The following INTS10 variants were observed in gnomAD, a reference collection of about 807,000 sequenced individuals.
The protein encoded by INTS10 is chromosome 8 open reading frame 35.
Under a neutral mutation model 94.4 loss-of-function variants are expected in INTS10, and 44 were observed. The ratio of observed to expected loss-of-function variants is 0.47; its 90% confidence interval spans 0.37 to 0.60. The LOEUF (loss-of-function observed/expected upper bound fraction) is 0.60. INTS10 is among the 20% of genes least tolerant of loss of function. The probability of loss-of-function intolerance (pLI) is 0.00; values close to 1 mark genes in which losing one functional copy is unlikely to be tolerated. For missense variants in INTS10, 797 were observed against 868.7 expected, an observed-to-expected ratio of 0.92 and a Z score of 1.04; for synonymous variants, 341 against 320.7, an observed-to-expected ratio of 1.06 and a Z score of -0.68.
intron 12 of INTS10, among the ~76,000 whole-genome samples, chr8:19,835,562 A>C (rs1180398594): frequency 6.6e-6 from 1 of 152,214 alleles, no homozygotes; most frequent in Non-Finnish European, 1.5e-5. Context: ...GGAAAGATTG[A>C]TAGAAAAGAT....
At chr8:19,841,525 G>A (rs968849327) in intron 13 of INTS10, among the ~76,000 whole-genome samples, 5 of 152,168 alleles carry the variant, frequency 3.3e-5, no homozygotes, top group African/African-American at 7.2e-5. Flanking sequence ...CAGATTCACA[G>A]GAGCAGAAAT....
Position 19,819,642 on chromosome 8 carries a change from C to A in INTS10, c.267C>A (p.Asn89Lys). The change falls in exon 3 of 17, where the codon AAC becomes AAA. Residue 89 changes from asparagine to lysine, a missense_variant. Asn to Lys is a moderately conservative substitution (Grantham distance 94). This residue lies in a region of INTS10 where 734 missense variants were observed against 787.8 expected (regional missense o/e 0.93). Transcript: ENST00000397977. ...EISIITSALR[N>K]DSQDKQTQFL... is the part of the protein sequence containing the mutation. ...GCATTATTACATCAGCATTAAGGAA[C>A]GATTCACAGGACAAACAAACCCAAT... is the stretch of plus-strand genomic sequence containing the variant. 6.2e-7 allele frequency: 1 copy of A among 1,613,242 alleles called. No individual in the cohort carries two copies. Among genetic ancestry groups the A allele is most frequent in the Non-Finnish European group, 8.5e-7 (1 of 1,179,516 alleles).
At chr8:19,824,724 A>G in intron 7 of INTS10, 79 bp from the exon 8 acceptor site, 1 of 925,872 alleles carries the variant, frequency 1.1e-6, no homozygotes, top group Non-Finnish European at 1.6e-6. Context: ...ATGTAATGGT[A>G]CCACCAGAGC....
intron 16 of INTS10, chr8:19,848,822 C>T (rs1365038206): frequency 6.2e-6 from 1 of 161,534 alleles, no homozygotes; most frequent in Non-Finnish European, 1.4e-5. Context: ...GAAAATGTGT[C>T]TTCTCAAAGG....
chr8:19,819,436 T>G, intron 2 of INTS10, 137 bp from the exon 3 acceptor site: 1 of 542,614 alleles, frequency 1.8e-6, no homozygotes, highest in South Asian at 3.6e-5. Flanking sequence ...TTTTTACATT[T>G]TTATTTTGGT....
chr8:19,844,139 C>G lies in INTS10; in HGVS notation c.1783C>G (p.Gln595Glu), dbSNP rs775376308. Residue 595 changes from glutamine to glutamate, a missense_variant, in exon 15 of 17, where the codon CAA becomes GAA. Physicochemically the swap from Gln to Glu is conservative, Grantham distance 29. Around this residue, in one of 3 missense-constraint regions of INTS10, gnomAD observed 734 missense variants for 787.8 expected, o/e 0.93. Coordinates refer to ENST00000397977, the MANE Select transcript of INTS10 (RefSeq NM_018142.4). ...ALGHVIVLLQQEWPRGENLFL... is the reference protein window; with the variant it reads ...ALGHVIVLLQEEWPRGENLFL... The stretch of plus-strand genomic sequence containing the variant: ...GGGGCATGTGATTGTGTTGCTTCAG[C>G]AAGAGTGGCCACGGGGCGAGAATCT... 10 of 1,613,808 alleles carry G rather than the reference C, an allele frequency of 6.2e-6. No homozygotes were observed. The highest frequency in any genetic ancestry group is 1.3e-5 in the African/African-American group (1 of 74,924).
chr8:19,823,291 C>T lies in INTS10; in HGVS notation c.524-10C>T, dbSNP rs752361766. ...TAATTAATTTATTTCTTCTTTTTCTCCTCCAACAGTTTGTGATGTCCTTCC... is the reference window on the plus strand; with the variant it reads ...TAATTAATTTATTTCTTCTTTTTCTTCTCCAACAGTTTGTGATGTCCTTCC... On this transcript the variant is annotated splice_polypyrimidine_tract_variant and intron_variant, in intron 5 of 16. Coordinates refer to ENST00000397977, the MANE Select transcript of INTS10 (RefSeq NM_018142.4). 2 of 1,600,226 alleles carry T rather than the reference C, an allele frequency of 1.2e-6. No individual in the cohort carries two copies. Among genetic ancestry groups the T allele is most frequent in the Non-Finnish European group, 1.7e-6 (2 of 1,169,190 alleles).
chr8:19,823,993 T>C lies in INTS10; in HGVS notation c.785T>C (p.Ile262Thr). The stretch of plus-strand genomic sequence containing the variant: ...GACCCTTGGGAGAGGTTGTTTAAGA[T>C]TTTGAATGTTGTTGGAATGAGATGT... ...IVDPWERLFK[I>T]LNVVGMRCEW... Residue 262 changes from isoleucine (I) to threonine (T), a missense_variant, in exon 7 of 17, where the codon ATT becomes ACT. By Grantham distance (89) the Ile-to-Thr change is moderately conservative. This residue lies in a region of INTS10 where 734 missense variants were observed against 787.8 expected (regional missense o/e 0.93). Coordinates refer to ENST00000397977, the MANE Select transcript of INTS10 (RefSeq NM_018142.4). 6.2e-7 allele frequency: 1 copy of C among 1,613,370 alleles called. No individual in the cohort carries two copies. The highest frequency in any genetic ancestry group is 8.5e-7 in the Non-Finnish European group (1 of 1,179,722).
At position 19,823,288 on chromosome 8, in the gene INTS10, TCTC is replaced by T; in HGVS notation, c.524-8_524-6del. The stretch of plus-strand genomic sequence containing the variant: ...ACCTAATTAATTTATTTCTTCTTTT[TCTC>T]CTCCAACAGTTTGTGATGTCCTTCC... On this transcript the variant is annotated splice_polypyrimidine_tract_variant and intron_variant, in intron 5 of 16. Transcript: ENST00000397977. 6.3e-7 allele frequency: 1 copy of T among 1,597,158 alleles called. No homozygotes were observed. The highest frequency in any genetic ancestry group is 1.3e-5 in the African/African-American group (1 of 74,318).
At chr8:19,840,185 G>A (rs992441325) in intron 13 of INTS10, among the ~76,000 whole-genome samples, 4 of 149,512 alleles carry the variant, frequency 2.7e-5, no homozygotes, top group African/African-American at 7.4e-5. Context: ...ATTTCTAATA[G>A]CATCAAAAAA....
intron 9 of INTS10, 61 bp from the exon 10 acceptor site, chr8:19,830,345 G>T: frequency 7.0e-7 from 1 of 1,431,486 alleles, no homozygotes; most frequent in Non-Finnish European, 9.4e-7. Flanking sequence ...GCAATAATAT[G>T]TTTCCATATA....
At chr8:19,847,547 A>G (rs1173216241) in intron 16 of INTS10, among the ~76,000 whole-genome samples, 1 of 152,206 alleles carries the variant, frequency 6.6e-6, no homozygotes, top group Non-Finnish European at 1.5e-5. Context: ...ACGAGTTAAT[A>G]TAGAGACAGC....
At position 19,819,556 on chromosome 8, in the gene INTS10, A is replaced by G; in HGVS notation, c.198-17A>G. The G allele has an allele frequency of 6.4e-7, 1 of 1,571,716 alleles. No individual in the cohort carries two copies. Among genetic ancestry groups the G allele is most frequent in the Non-Finnish European group, 8.7e-7 (1 of 1,148,658 alleles). On this transcript the variant is annotated splice_polypyrimidine_tract_variant and intron_variant, in intron 2 of 16. Transcript: ENST00000397977. Reference sequence around the variant, plus strand: ...AGACTTTGACATTTTAATTTAATGTATTTATTTTAAAAATAGGTTTGTGAA... The same window carrying G: ...AGACTTTGACATTTTAATTTAATGTGTTTATTTTAAAAATAGGTTTGTGAA...
rs115698733 is a variant in INTS10, at chr8:19,848,313, A to G, written c.1976+2516A>G. Among the ~76,000 whole-genome samples, 363 of 152,254 alleles carry G rather than the reference A, an allele frequency of 2.4e-3. 5 individuals are homozygous for G. The highest frequency in any genetic ancestry group is 8.4e-3 in the African/African-American group (347 of 41,536). ...GTCTGCCCTAGCTGTGGCATCTGGG[A>G]TGCAAGCAGGTACAGTACCAACACT... On this transcript the variant is annotated intron_variant, in intron 16 of 16. Transcript: ENST00000397977.
intron 5 of INTS10, 83 bp downstream of exon 5, chr8:19,822,603 T>C: frequency 1.2e-6 from 1 of 835,908 alleles, no homozygotes; most frequent in Non-Finnish European, 1.9e-6. Flanking sequence ...AGCTCATATA[T>C]GAAAGGCAAA....
At position 19,833,316 on chromosome 8, in the gene INTS10, T is replaced by C; in HGVS notation, c.1525T>C (p.Tyr509His). Residue 509 changes from tyrosine to histidine, a missense_variant, in exon 12 of 17, where the codon TAC becomes CAC. Tyr to His is a moderately conservative substitution (Grantham distance 83, BLOSUM62 2). Around this residue, in one of 3 missense-constraint regions of INTS10, gnomAD observed 734 missense variants for 787.8 expected, o/e 0.93. Coordinates refer to ENST00000397977, the MANE Select transcript of INTS10 (RefSeq NM_018142.4). ...GACGTGCCACTTTGCGCTAGGGGAG[T>C]ACAGAGTGAGTACTGCACACATACA... is the stretch of plus-strand genomic sequence containing the variant. ...LATCHFALGE[Y>H]RMTCEKVLDL... 6.2e-7 allele frequency: 1 copy of C among 1,607,356 alleles called. No individual in the cohort carries two copies. The highest frequency in any genetic ancestry group is 8.5e-7 in the Non-Finnish European group (1 of 1,176,958).
At chr8:19,845,828 T>C in intron 16 of INTS10, 31 bp downstream of exon 16, 1 of 1,443,124 alleles carries the variant, frequency 6.9e-7, no homozygotes, top group Non-Finnish European at 9.8e-7. Context: ...TCTTCCATGC[T>C]GAGTGCTCAC....
At chr8:19,830,137 G>A (rs2067117578) in intron 9 of INTS10, among the ~76,000 whole-genome samples, 1 of 151,954 alleles carries the variant, frequency 6.6e-6, no homozygotes, top group South Asian at 2.1e-4. Context: ...TTTAAACTTT[G>A]CTCTAAAACC....
Position 19,848,159 on chromosome 8 carries a change from G to A in INTS10, c.1976+2362G>A, listed in dbSNP as rs116373836. ...GGTTGGAATCTTTATTAAACAATCTGAATTCCTTTTCCCTTTGGGTTCCAA... is the reference window on the plus strand; with the variant it reads ...GGTTGGAATCTTTATTAAACAATCTAAATTCCTTTTCCCTTTGGGTTCCAA... On this transcript the variant is annotated intron_variant, in intron 16 of 16. Transcript: ENST00000397977. Among the ~76,000 whole-genome samples the A allele has an allele frequency of 5.8e-3, 880 of 152,326 alleles. 9 individuals are homozygous for A. The highest frequency in any genetic ancestry group is 0.02 in the African/African-American group (835 of 41,566).
Sources: allele counts gnomAD v4.1 joint callset (sites outside exome capture counted in the v4.1 genomes callset), GRCh38; gene constraint gnomAD v4.1.1; regional missense constraint gnomAD v4.1.1; transcripts MANE v1.5; gene names NCBI Gene and HGNC (gene_info 2026-07-23, HGNC 2026-07-21).